ARMC3: variants seen among roughly 807,000 people sequenced by gnomAD.
ARMC3 encodes armadillo repeat-containing protein 3.
Under a neutral mutation model 90.3 loss-of-function variants are expected in ARMC3, and 74 were observed. The observed-to-expected ratio is 0.82, with a 90% CI of 0.68 to 0.99. The LOEUF is 0.99. ARMC3 is among the 50% of genes least tolerant of loss of function. The pLI is 0.00. For synonymous variants in ARMC3, 334 were observed against 361.8 expected, an observed-to-expected ratio of 0.92 and a Z score of 0.87; for missense variants, 958 against 1,042.8, an observed-to-expected ratio of 0.92 and a Z score of 1.12.
chr10:23,004,706 G>T (rs1172197402), intron 13 of ARMC3, among the ~76,000 whole-genome samples: 1 of 152,154 alleles, frequency 6.6e-6, no homozygotes, highest in Non-Finnish European at 1.5e-5. Flanking sequence ...GCACTCCATC[G>T]TGGTAGTGGA....
At chr10:23,002,244 G>A (rs1353382647) in intron 12 of ARMC3, among the ~76,000 whole-genome samples, 189 bp downstream of exon 12, 1 of 152,200 alleles carries the variant, frequency 6.6e-6, no homozygotes, top group Non-Finnish European at 1.5e-5. Flanking sequence ...CCGATTCACC[G>A]CTCCCTCACT....
intron 16 of ARMC3, among the ~76,000 whole-genome samples, chr10:23,029,445 T>C (rs997974893): frequency 6.6e-6 from 1 of 152,202 alleles, no homozygotes; most frequent in African/African-American, 2.4e-5. Flanking sequence ...GAAGTATGCT[T>C]ACTCCACATT....
chr10:23,014,548 C>T, intron 16 of ARMC3: 1 of 938,424 alleles, frequency 1.1e-6, no homozygotes, highest in Non-Finnish European at 1.3e-6. Flanking sequence ...ATGGGATCAA[C>T]CTAAATGCCC....
chr10:22,950,928 T>C (rs1318179655), intron 3 of ARMC3, among the ~76,000 whole-genome samples: 1 of 151,488 alleles, frequency 6.6e-6, no homozygotes, highest in Non-Finnish European at 1.5e-5. Flanking sequence ...ATCAAAAGAC[T>C]GTGAAAAATC....
At position 23,008,309 on chromosome 10, in the gene ARMC3, T is replaced by C. The variant is rs781034029; in HGVS notation, c.1863T>C (p.Asp621=). The change falls in exon 15 of 19, where the codon GAT becomes GAC. Residue 621 remains aspartate (D), a synonymous_variant. Coordinates refer to ENST00000298032, the MANE Select transcript of ARMC3 (RefSeq NM_173081.5). ...CTTCATCTATGGAAGATAAATCAGA[T>C]GTTGGTTATGGACGAAGTATTTCTT... ...SPPSSMEDKS[D]VGYGRSISSS... is the part of the protein sequence containing the mutation. 6.4e-7 allele frequency: 1 copy of C among 1,554,122 alleles called. No homozygotes were observed. Among genetic ancestry groups the C allele is most frequent in the East Asian group, 2.3e-5 (1 of 44,056 alleles).
Position 22,955,870 on chromosome 10 carries a change from C to T in ARMC3, c.230C>T (p.Thr77Ile), listed in dbSNP as rs1377840078. ...GAVEPLTKLL[T>I]HEDKIVRRNA... ...GTGGAACCTTTAACTAAGCTACTCACCCATGAAGACAAAATTGTAAGAAGA... is the reference window on the plus strand; with the variant it reads ...GTGGAACCTTTAACTAAGCTACTCATCCATGAAGACAAAATTGTAAGAAGA... The change falls in exon 4 of 19, where the codon ACC becomes ATC. Residue 77 changes from threonine (T) to isoleucine (I), a missense_variant. Thr to Ile is a moderately conservative substitution (Grantham distance 89, BLOSUM62 -1). Coordinates refer to ENST00000298032, the MANE Select transcript of ARMC3 (RefSeq NM_173081.5). The T allele has an allele frequency of 1.2e-6, 2 of 1,613,128 alleles. No individual in the cohort carries two copies. Among genetic ancestry groups the T allele is most frequent in the South Asian group, 2.2e-5 (2 of 91,062 alleles).
intron 16 of ARMC3, among the ~76,000 whole-genome samples, chr10:23,013,656 G>C (rs1175607561): frequency 6.6e-6 from 1 of 152,116 alleles, no homozygotes; most frequent in Non-Finnish European, 1.5e-5. Flanking sequence ...CAAATGTCAT[G>C]TGTACAATAC....
At chr10:23,014,502 A>C (rs1022991254) in intron 16 of ARMC3, 6 of 1,011,236 alleles carry the variant, frequency 5.9e-6, no homozygotes, top group Non-Finnish European at 7.1e-6. Flanking sequence ...CATTGGGAAT[A>C]TTTTATGTTA....
At chr10:22,996,598 C>T (rs1419973704) in intron 10 of ARMC3, among the ~76,000 whole-genome samples, 1 of 152,126 alleles carries the variant, frequency 6.6e-6, no homozygotes, top group Non-Finnish European at 1.5e-5. Context: ...TTTATATAAG[C>T]CAGGGTGGGA....
Position 22,968,478 on chromosome 10 carries a change from C to A in ARMC3, c.905C>A (p.Ala302Glu), listed in dbSNP as rs1212464803. Residue 302 changes from alanine to glutamate, a missense_variant, in exon 8 of 19, where the codon GCA (alanine) becomes GAA (glutamate). Transcript: ENST00000298032. Reference sequence around the variant, plus strand: ...AATGCAGCAAAAGCCATTACTAAAGCAGCTTATGATCGTATGTCTCATTTT... The same window carrying A: ...AATGCAGCAAAAGCCATTACTAAAGAAGCTTATGATCGTATGTCTCATTTT... ...QKNAAKAITK[A>E]AYDPENRKLF... 2 of 1,590,510 alleles carry A rather than the reference C, an allele frequency of 1.3e-6. No individual in the cohort carries two copies. The highest frequency in any genetic ancestry group is 2.7e-5 in the African/African-American group (2 of 73,276).
chr10:23,019,744 C>T (rs1025834408), intron 16 of ARMC3, among the ~76,000 whole-genome samples: 1 of 151,952 alleles, frequency 6.6e-6, no homozygotes, highest in Non-Finnish European at 1.5e-5. Flanking sequence ...AAGGTTTCGC[C>T]ATGTTGCCCA....
intron 13 of ARMC3, 58 bp downstream of exon 13, chr10:23,003,472 C>T: frequency 7.4e-7 from 1 of 1,347,686 alleles, no homozygotes; most frequent in Non-Finnish European, 9.9e-7. Context: ...TTCTTTAATC[C>T]TGATGCCATT....
At chr10:23,020,523 AC>A (rs2131534940) in intron 16 of ARMC3, among the ~76,000 whole-genome samples, 1 of 152,308 alleles carries the variant, frequency 6.6e-6, no homozygotes, top group East Asian at 1.9e-4. Flanking sequence ...ATACTAGCAA[AC>A]TTTTCCAGAA....
chr10:23,013,160 A>G (rs964276531), intron 16 of ARMC3, among the ~76,000 whole-genome samples: 1 of 151,930 alleles, frequency 6.6e-6, no homozygotes, highest in Non-Finnish European at 1.5e-5. Context: ...CGGCCTCCCA[A>G]AATGCTGGGA....
At chr10:22,998,876 G>A (rs1020527546) in intron 11 of ARMC3, among the ~76,000 whole-genome samples, 5 of 152,178 alleles carry the variant, frequency 3.3e-5, no homozygotes, top group Non-Finnish European at 5.9e-5. Flanking sequence ...TTTATGTAAC[G>A]TTCAAAAGTA....
intron 3 of ARMC3, among the ~76,000 whole-genome samples, chr10:22,955,564 C>T (rs997074028): frequency 3.3e-5 from 5 of 152,040 alleles, no homozygotes; most frequent in African/African-American, 1.2e-4. Flanking sequence ...GGGGACTGCT[C>T]CAAGGAGGTG....
intron 10 of ARMC3, among the ~76,000 whole-genome samples, chr10:22,983,778 A>C (rs1023285144): frequency 5.9e-5 from 9 of 152,238 alleles, no homozygotes; most frequent in Non-Finnish European, 1.3e-4. Flanking sequence ...CGAATAAACC[A>C]CATAGTCCTT....
chr10:22,980,581 T>C (rs1055212991), intron 8 of ARMC3, among the ~76,000 whole-genome samples: 1 of 152,116 alleles, frequency 6.6e-6, no homozygotes, highest in Non-Finnish European at 1.5e-5. Flanking sequence ...ATGCAGTATT[T>C]ACGTTAGTAT....
At chr10:23,015,764 G>T (rs1401309465) in intron 16 of ARMC3, among the ~76,000 whole-genome samples, 2 of 152,026 alleles carry the variant, frequency 1.3e-5, no homozygotes, top group African/African-American at 4.8e-5. Flanking sequence ...AACTGTTGTT[G>T]CTTCCTCCCC....
Sources: allele counts gnomAD v4.1 joint callset (sites outside exome capture counted in the v4.1 genomes callset), GRCh38; gene constraint gnomAD v4.1.1; transcripts MANE v1.5; gene names NCBI Gene and HGNC (gene_info 2026-07-23, HGNC 2026-07-21).